NECTIN2: variants seen among roughly 807,000 people sequenced by gnomAD.
The protein encoded by NECTIN2 is nectin-2.
NECTIN2 carries 23 observed loss-of-function variants against 56.9 expected under a neutral mutation model. The ratio of observed to expected loss-of-function variants is 0.40; its 90% CI spans 0.29 to 0.57. The LOEUF is 0.57. NECTIN2 is among the 20% of genes least tolerant of loss of function. NECTIN2 has a pLI of 0.38. For synonymous variants in NECTIN2, 302 were observed against 313.8 expected (o/e 0.96, Z 0.40); for missense variants, 587 against 718.3 (o/e 0.82, Z 2.09).
At chr19:44,860,415 A>G (rs2122649918) in intron 1 of NECTIN2, among the ~76,000 whole-genome samples, 1 of 152,178 alleles carries the variant, frequency 6.6e-6, no homozygotes, top group East Asian at 1.9e-4. Flanking sequence ...TGGGGGGCTG[A>G]GGTGGGAGGA....
At chr19:44,847,483 G>A (rs1435951161) in intron 1 of NECTIN2, among the ~76,000 whole-genome samples, 3 of 152,136 alleles carry the variant, frequency 2.0e-5, no homozygotes, top group African/African-American at 7.2e-5. Flanking sequence ...GCAGAGGAAC[G>A]TCTTCTGAGA....
chr19:44,882,341 GC>G lies in NECTIN2; in HGVS notation c.1174del (p.Gln392ArgfsTer103). On this transcript the variant is annotated frameshift_variant, in exon 6 of 9. Coordinates refer to ENST00000252483, the MANE Select transcript of NECTIN2 (RefSeq NM_001042724.2). LOFTEE classifies it high-confidence loss of function. ...GGCAGCAGCGGAAGGAGCAGACGCT[GC>G]AGGGGGCAGAGGAGGACGAAGAGTA... is the stretch of plus-strand genomic sequence containing the variant. ...CRQQRKEQTLQGAEEDEDLEG... is the reference protein window; with the variant it reads ...CRQQRKEQTLXGAEEDEDLEG... The G allele has an allele frequency of 6.6e-7, 1 of 1,509,708 alleles. No homozygotes were observed. Among genetic ancestry groups the G allele is most frequent in the African/African-American group, 1.4e-5 (1 of 71,400 alleles). 93.5% of individuals were successfully genotyped at this position (1,509,708 alleles called of 1,614,324 possible). A position where few individuals can be genotyped will look rare whatever the true frequency, so the allele number is the denominator to read the frequency against.
At chr19:44,861,937 G>A (rs1183121544) in intron 1 of NECTIN2, among the ~76,000 whole-genome samples, 4 of 152,150 alleles carry the variant, frequency 2.6e-5, no homozygotes, top group Admixed American at 1.3e-4. Flanking sequence ...ACAGTATGGC[G>A]ATTCCTCAAA....
intron 8 of NECTIN2, among the ~76,000 whole-genome samples, chr19:44,887,461 T>G (rs1216584389): frequency 6.6e-6 from 1 of 151,824 alleles, no homozygotes; most frequent in Non-Finnish European, 1.5e-5. Flanking sequence ...CTGGCCAACA[T>G]GGTGAAACCC....
chr19:44,878,738 C>A, intron 5 of NECTIN2: 2 of 1,468,304 alleles, frequency 1.4e-6, no homozygotes, highest in South Asian at 2.9e-5. Flanking sequence ...GAGTGGAACA[C>A]TGCCTCCCAC....
intron 1 of NECTIN2, among the ~76,000 whole-genome samples, chr19:44,855,403 C>T (rs1271719299): frequency 1.3e-5 from 2 of 151,346 alleles, no homozygotes; most frequent in African/African-American, 2.4e-5. Flanking sequence ...CCAGCCTGGG[C>T]GAAAGAGTGA....
At chr19:44,885,880 G>A (rs773898313) in intron 6 of NECTIN2, 57 bp from the exon 7 acceptor site, 15 of 1,415,156 alleles carry the variant, frequency 1.1e-5, no homozygotes, top group South Asian at 2.3e-5. Context: ...CCATAACCCC[G>A]GAGTCAGAGG....
intron 8 of NECTIN2, among the ~76,000 whole-genome samples, chr19:44,887,786 C>T (rs1969377361): frequency 6.6e-6 from 1 of 152,156 alleles, no homozygotes; most frequent in African/African-American, 2.4e-5. Flanking sequence ...AGGTTGCGCT[C>T]AAGGTTCAAA....
chr19:44,880,458 CCCTTTTCCTGTCTTGCCTT>C (rs1969295661), intron 5 of NECTIN2, among the ~76,000 whole-genome samples: 1 of 149,894 alleles, frequency 6.7e-6, no homozygotes, highest in African/African-American at 2.5e-5. Flanking sequence ...GCTTCTCGAC[CCCTTTTCCTGTCTTGCCTT>C]TTTTTTTTTT....
rs867117480 is a variant in NECTIN2, at chr19:44,875,838, G to A, written c.1042+1360G>A. Among the ~76,000 whole-genome samples the A allele has an allele frequency of 1.2e-4, 18 of 152,190 alleles. No individual in the cohort carries two copies. Among genetic ancestry groups the A allele is most frequent in the African/African-American group, 3.6e-4 (15 of 41,434 alleles). On this transcript the variant is annotated intron_variant, in intron 5 of 8. Transcript: ENST00000252483. The surrounding 1 kb of genome is among the most constrained non-coding windows in gnomAD (Gnocchi z 4.2). ...GAATCCAGATACAGCCAGGGAGATA[G>A]GACACCCCTACGGGAAACACTGTCA...
At chr19:44,852,217 T>C (rs1234127569) in intron 1 of NECTIN2, among the ~76,000 whole-genome samples, 3 of 152,156 alleles carry the variant, frequency 2.0e-5, no homozygotes, top group African/African-American at 7.2e-5. Context: ...TGGTGTGATC[T>C]TGGCTCACTG....
chr19:44,854,855 G>A (rs1050684563), intron 1 of NECTIN2, among the ~76,000 whole-genome samples: 20 of 151,864 alleles, frequency 1.3e-4, no homozygotes, highest in Non-Finnish European at 2.8e-4. Context: ...GCCGGGCGCG[G>A]TGGCTCACGC....
Position 44,875,269 on chromosome 19 carries a change from T to C in NECTIN2, c.1042+791T>C, listed in dbSNP as rs1969223829. Among the ~76,000 whole-genome samples, 1 of 88,524 alleles carries C rather than the reference T, an allele frequency of 1.1e-5. No homozygotes were observed. Among genetic ancestry groups the C allele is most frequent in the East Asian group, 8.9e-4 (1 of 1,118 alleles). 58.1% of individuals were successfully genotyped at this position (88,524 alleles called of 152,430 possible). ...AGATGACACCTGGAAAGGGACATTCTTTTTTTTTTTTTTTGAGATGGAGTC... is the reference window on the plus strand; with the variant it reads ...AGATGACACCTGGAAAGGGACATTCCTTTTTTTTTTTTTTGAGATGGAGTC... On this transcript the variant is annotated intron_variant, in intron 5 of 8. Coordinates refer to ENST00000252483, the MANE Select transcript of NECTIN2 (RefSeq NM_001042724.2). This position sits in a 1 kb window ranked among gnomAD's most constrained non-coding sequence, Gnocchi z 4.2.
chr19:44,852,163 C>T (rs1968907265), intron 1 of NECTIN2, among the ~76,000 whole-genome samples: 1 of 151,576 alleles, frequency 6.6e-6, no homozygotes, highest in Non-Finnish European at 1.5e-5. Flanking sequence ...CCCAAGCTGG[C>T]AATAGTGTCT....
chr19:44,853,943 T>C (rs1031339460), intron 1 of NECTIN2, among the ~76,000 whole-genome samples: 3 of 152,142 alleles, frequency 2.0e-5, no homozygotes, highest in African/African-American at 7.2e-5. Flanking sequence ...GGATGTGATA[T>C]ATCTAGTGTG....
intron 1 of NECTIN2, among the ~76,000 whole-genome samples, chr19:44,852,975 G>A (rs1364869775): frequency 6.6e-6 from 1 of 152,000 alleles, no homozygotes; most frequent in East Asian, 1.9e-4. Context: ...AGTCAAGTAT[G>A]GTGGTGCCCG....
chr19:44,863,356 C>CCTA (rs1276079520), intron 1 of NECTIN2, among the ~76,000 whole-genome samples: 9 of 151,692 alleles, frequency 5.9e-5, no homozygotes, highest in African/African-American at 2.2e-4. Context: ...GCAGTCCCAG[C>CCTA]CACTCAAGTT....
At position 44,865,176 on chromosome 19, in the gene NECTIN2, C is replaced by G. The variant is rs1969082898; in HGVS notation, c.89-95C>G. ...CTGCCTACGTTGCATGCGGAGCCTGCATTTCCCGTGGGGCCCCCTTCGTGG... is the reference window on the plus strand; with the variant it reads ...CTGCCTACGTTGCATGCGGAGCCTGGATTTCCCGTGGGGCCCCCTTCGTGG... On this transcript the variant is annotated intron_variant, in intron 1 of 8. Transcript: ENST00000252483. The surrounding 1 kb of genome is among the most constrained non-coding windows in gnomAD (Gnocchi z 5.2). 16 of 1,345,802 alleles carry G rather than the reference C, an allele frequency of 1.2e-5. No individual in the cohort carries two copies. Among genetic ancestry groups the G allele is most frequent in the Non-Finnish European group, 1.6e-5 (16 of 984,154 alleles). 83.4% of individuals were successfully genotyped at this position (1,345,802 alleles called of 1,614,324 possible).
chr19:44,862,414 C>CA lies in NECTIN2; in HGVS notation c.89-2845dup, dbSNP rs869170027. Among the ~76,000 whole-genome samples the CA allele has an allele frequency of 3.8e-3, 331 of 87,950 alleles. 2 individuals carry two copies. Among genetic ancestry groups the CA allele is most frequent in the African/African-American group, 9.5e-3 (213 of 22,334 alleles). The allele number at this position is 87,950 out of a possible 152,430, so 57.7% of individuals were successfully genotyped here. A position where few individuals can be genotyped will look rare whatever the true frequency, so the allele number is the denominator to read the frequency against. ...TGGGCAAAAGAGTGAGACTCCGTCT[C>CA]AAAAAAAAAAAAGAAAAGAAAAAAG... is the stretch of plus-strand genomic sequence containing the variant. On this transcript the variant is annotated intron_variant, in intron 1 of 8. Coordinates refer to ENST00000252483, the MANE Select transcript of NECTIN2 (RefSeq NM_001042724.2).
Sources: allele counts gnomAD v4.1 joint callset (sites outside exome capture counted in the v4.1 genomes callset), GRCh38; gene constraint gnomAD v4.1.1; non-coding constraint Gnocchi (gnomAD v3.1); transcripts MANE v1.5; gene names NCBI Gene and HGNC (gene_info 2026-07-23, HGNC 2026-07-21).